The following ABCG2 variants were observed in gnomAD, a reference collection of about 807,000 sequenced individuals.
ABCG2 encodes the protein broad substrate specificity ATP-binding cassette transporter ABCG2.
ABCG2 carries 80 observed loss-of-function variants against 73.5 expected under a neutral mutation model. The ratio of observed to expected loss-of-function variants is 1.09; its 90% confidence interval spans 0.91 to 1.31. The LOEUF (loss-of-function observed/expected upper bound fraction) is 1.31. Among genes scored for constraint, ABCG2 ranks in the 50% most tolerant of loss-of-function variants. The probability of loss-of-function intolerance (pLI) is 0.00; values close to 1 mark genes in which losing one functional copy is unlikely to be tolerated. For synonymous variants in ABCG2, 269 were observed against 282.4 expected (o/e 0.95, Z 0.48); for missense variants, 796 against 786.2 (o/e 1.01, Z -0.15).
intron 1 of ABCG2, among the ~76,000 whole-genome samples, chr4:88,169,750 C>T (rs1203446579): frequency 6.6e-6 from 1 of 152,126 alleles, no homozygotes; most frequent in African/African-American, 2.4e-5. Flanking sequence ...CATCTAACCC[C>T]TCATTAAGCA....
intron 1 of ABCG2, among the ~76,000 whole-genome samples, chr4:88,204,847 G>A (rs2110117678): frequency 6.6e-6 from 1 of 152,280 alleles, no homozygotes; most frequent in East Asian, 1.9e-4. Flanking sequence ...GGATTAGGAT[G>A]GGAATATTTG....
intron 1 of ABCG2, among the ~76,000 whole-genome samples, chr4:88,157,754 T>G (rs2110081853): frequency 6.6e-6 from 1 of 152,268 alleles, no homozygotes; most frequent in East Asian, 1.9e-4. Context: ...AAAAAACATC[T>G]CTTCCTTACT....
At position 88,169,245 on chromosome 4, in the gene ABCG2, C is replaced by G. The variant is rs368427412; in HGVS notation, c.-19-29231G>C. The stretch of plus-strand genomic sequence containing the variant: ...ATTTTTAGTAGAGATGGGGTTTCAC[C>G]ATGTTGGCCAGGCTGGTCTGGAACT... On this transcript the variant is annotated intron_variant, in intron 1 of 15. Transcript: ENST00000515655. Among the ~76,000 whole-genome samples the G allele has an allele frequency of 6.8e-4, 104 of 152,154 alleles. 7 individuals are homozygous for G. The South Asian group carries it at 0.02, about 29-fold the overall frequency.
chr4:88,158,964 G>A (rs1333020077), upstream of ABCG2: 1 of 354,358 alleles, frequency 2.8e-6, no homozygotes, highest in African/African-American at 2.2e-5. Flanking sequence ...GCGGGCGGGG[G>A]TGAGGCGTGG....
At chr4:88,182,388 A>G (rs1218942368) in intron 1 of ABCG2, among the ~76,000 whole-genome samples, 1 of 152,216 alleles carries the variant, frequency 6.6e-6, no homozygotes, top group Admixed American at 6.5e-5. Context: ...AATCTGCACA[A>G]TACACCAAAT....
intron 1 of ABCG2, among the ~76,000 whole-genome samples, chr4:88,193,870 G>A (rs1478088712): frequency 2.6e-5 from 4 of 151,876 alleles, no homozygotes; most frequent in African/African-American, 4.8e-5. Flanking sequence ...TCAGCCTCCC[G>A]AGTAGCTGGG....
chr4:88,139,323 C>T (rs992971490), intron 2 of ABCG2, among the ~76,000 whole-genome samples: 4 of 152,074 alleles, frequency 2.6e-5, no homozygotes, highest in Non-Finnish European at 2.9e-5. Flanking sequence ...GGACAATCAT[C>T]GCCCACTGCA....
chr4:88,097,714 A>G, intron 12 of ABCG2, 107 bp from the exon 13 acceptor site: 3 of 1,281,118 alleles, frequency 2.3e-6, no homozygotes, highest in Non-Finnish European at 3.2e-6. Flanking sequence ...AACTAATATT[A>G]GAATGAAAAA....
chr4:88,122,730 G>A (rs1393770506), intron 5 of ABCG2, among the ~76,000 whole-genome samples: 3 of 152,178 alleles, frequency 2.0e-5, no homozygotes, highest in Non-Finnish European at 4.4e-5. Flanking sequence ...GAGGCTGTGG[G>A]CACAGCTTCA....
intron 1 of ABCG2, among the ~76,000 whole-genome samples, chr4:88,189,149 G>A (rs1728584085): frequency 6.6e-6 from 1 of 152,040 alleles, no homozygotes; most frequent in Non-Finnish European, 1.5e-5. Context: ...CAGCTCCTTG[G>A]TTAAATTTAT....
chr4:88,192,772 C>A (rs916752958), intron 1 of ABCG2, among the ~76,000 whole-genome samples: 1 of 149,662 alleles, frequency 6.7e-6, no homozygotes, highest in Admixed American at 6.7e-5. Flanking sequence ...AGTGCAGTGG[C>A]GCAATCTCGG....
chr4:88,121,576 A>G, intron 6 of ABCG2, 59 bp downstream of exon 6: 1 of 1,501,948 alleles, frequency 6.7e-7, no homozygotes, highest in Non-Finnish European at 9.1e-7. Flanking sequence ...CCCCAAGAAT[A>G]TCTGGGACAT....
chr4:88,212,079 C>G (rs1220128404), intron 1 of ABCG2, among the ~76,000 whole-genome samples: 1 of 152,152 alleles, frequency 6.6e-6, no homozygotes, highest in Admixed American at 6.5e-5. Context: ...TAGTAGTGGC[C>G]TCTTCCTCTC....
chr4:88,156,972 G>T (rs1467367327), intron 1 of ABCG2, among the ~76,000 whole-genome samples: 1 of 152,114 alleles, frequency 6.6e-6, no homozygotes, highest in African/African-American at 2.4e-5. Context: ...CATGGTGGCA[G>T]GCGCCTATAA....
intron 1 of ABCG2, among the ~76,000 whole-genome samples, chr4:88,146,595 T>C (rs1460658322): frequency 6.6e-6 from 1 of 152,138 alleles, no homozygotes; most frequent in Non-Finnish European, 1.5e-5. Flanking sequence ...GGTTTCACCA[T>C]GTTGGCCAGG....
chr4:88,118,136 C>T lies in ABCG2; in HGVS notation c.814G>A (p.Glu272Lys). 4 of 1,613,908 alleles carry T rather than the reference C, an allele frequency of 2.5e-6. No individual in the cohort carries two copies. The East Asian group carries it at 6.7e-5, about 27-fold the overall frequency. ...GCTGATTCAAAGTATCCCAAGGCCT[C>T]CTGAGCAGGCCCGTGGAACATAAGT... ...GRLMFHGPAQ[E>K]ALGYFESAGY... Residue 272 changes from glutamate (E) to lysine (K), a missense_variant, in exon 7 of 16, where the codon GAG (glutamate) becomes AAG (lysine). Physicochemically the swap from Glu to Lys is moderately conservative, Grantham distance 56 (BLOSUM62 1). Coordinates refer to ENST00000237612, the MANE Select transcript of ABCG2 (RefSeq NM_004827.3).
chr4:88,215,104 A>C (rs1729763003), intron 1 of ABCG2, among the ~76,000 whole-genome samples: 1 of 152,094 alleles, frequency 6.6e-6, no homozygotes, highest in Non-Finnish European at 1.5e-5. Context: ...AAATTTTGGA[A>C]AAAAAAGAGA....
At chr4:88,185,180 T>G (rs574770098) in intron 1 of ABCG2, among the ~76,000 whole-genome samples, 1 of 152,084 alleles carries the variant, frequency 6.6e-6, no homozygotes, top group Non-Finnish European at 1.5e-5. Context: ...CTGGCCAACA[T>G]GATGAAACCC....
At chr4:88,110,726 C>T (rs1004156048) in intron 9 of ABCG2, among the ~76,000 whole-genome samples, 5 of 151,990 alleles carry the variant, frequency 3.3e-5, no homozygotes, top group African/African-American at 1.2e-4. Flanking sequence ...AGCTTGGCTG[C>T]TTTCACACTA....
Sources: allele counts gnomAD v4.1 joint callset (sites outside exome capture counted in the v4.1 genomes callset), GRCh38; gene constraint gnomAD v4.1.1; transcripts MANE v1.5; gene names NCBI Gene and HGNC (gene_info 2026-07-23, HGNC 2026-07-21).